The following MAP3K20 variants were observed in gnomAD, a reference collection of about 807,000 sequenced individuals.
The protein encoded by MAP3K20 is HCCS-4.
Under a neutral mutation model 85.7 loss-of-function variants are expected in MAP3K20, and 40 were observed. The observed-to-expected ratio is 0.47, with a 90% CI of 0.36 to 0.61. The LOEUF (loss-of-function observed/expected upper bound fraction) is 0.61. MAP3K20 is among the 20% of genes least tolerant of loss of function. The pLI is 0.00. For synonymous variants in MAP3K20, 325 were observed against 327.7 expected, an observed-to-expected ratio of 0.99 and a Z score of 0.09; for missense variants, 817 against 961.7, an observed-to-expected ratio of 0.85 and a Z score of 1.99.
chr2:173,116,126 A>C (rs1325871312), intron 2 of MAP3K20, among the ~76,000 whole-genome samples: 2 of 152,096 alleles, frequency 1.3e-5, no homozygotes, highest in Non-Finnish European at 1.5e-5. Context: ...AGCTGGGATT[A>C]CAGGTGTGAG....
intron 2 of MAP3K20, among the ~76,000 whole-genome samples, chr2:173,098,892 C>T (rs1287394723): frequency 1.3e-5 from 2 of 152,168 alleles, no homozygotes; most frequent in African/African-American, 4.8e-5. Context: ...ATTCTTGGGC[C>T]TCACCCCACA....
At chr2:173,207,164 G>C (rs1405145137) in intron 9 of MAP3K20, among the ~76,000 whole-genome samples, 1 of 151,982 alleles carries the variant, frequency 6.6e-6, no homozygotes, top group Non-Finnish European at 1.5e-5. Flanking sequence ...GGTGGGTATT[G>C]GTTCAGGTCC....
At chr2:173,165,294 G>A (rs1268427010) in intron 2 of MAP3K20, among the ~76,000 whole-genome samples, 1 of 152,044 alleles carries the variant, frequency 6.6e-6, no homozygotes, top group South Asian at 2.1e-4. Flanking sequence ...GTGCGTGCCT[G>A]TAATTCCAGG....
intron 2 of MAP3K20, among the ~76,000 whole-genome samples, chr2:173,099,927 T>C (rs1430349986): frequency 6.6e-6 from 1 of 152,232 alleles, no homozygotes. Flanking sequence ...AGAAGAGTGC[T>C]TGACTCATAG....
At chr2:173,140,380 C>G (rs1197277919) in intron 2 of MAP3K20, among the ~76,000 whole-genome samples, 1 of 151,576 alleles carries the variant, frequency 6.6e-6, no homozygotes, top group Non-Finnish European at 1.5e-5. Context: ...TGGAGTTTCA[C>G]TCTTGTTGTC....
rs55830025 is a variant in MAP3K20 at position 173,266,698 on chromosome 2, A to C, written c.2351A>C (p.Lys784Thr). 2.2e-3 allele frequency: 3,534 copies of C among 1,594,060 alleles called. 87 individuals carry two copies. The African/African-American group carries it at 0.044, about 20-fold the overall frequency. The change falls in exon 20 of 20, where the codon AAA becomes ACA. Residue 784 changes from lysine to threonine, a missense_variant. Coordinates refer to ENST00000375213, the MANE Select transcript of MAP3K20 (RefSeq NM_016653.3). ...AAGCCCCACAGGCCATCTCCCGCCA[A>C]AACCAATAAAGAGAGAGCCAGAGGG... ...RKKPHRPSPAKTNKERARGDH... is the reference protein window; with the variant it reads ...RKKPHRPSPATTNKERARGDH...
At chr2:173,199,113 A>G (rs1281818262) in intron 8 of MAP3K20, among the ~76,000 whole-genome samples, 1 of 152,236 alleles carries the variant, frequency 6.6e-6, no homozygotes, top group Non-Finnish European at 1.5e-5. Context: ...AGGTGAATAT[A>G]TAAAAATATT....
intron 2 of MAP3K20, among the ~76,000 whole-genome samples, chr2:173,149,506 A>ATT (rs11393723): frequency 0.036 from 5,255 of 145,794 alleles, 120 homozygotes; most frequent in Admixed American, 0.057. Context: ...AAAAAAGTTT[A>ATT]TTTTTTTTTA....
At chr2:173,177,443 A>ATTTTTTTT (rs71403359) in intron 3 of MAP3K20, among the ~76,000 whole-genome samples, 3 of 126,602 alleles carry the variant, frequency 2.4e-5, no homozygotes, top group East Asian at 2.3e-4. Context: ...ATCACAATAG[A>ATTTTTTTT]TTTTTTTTTT....
chr2:173,255,409 C>T (rs961864696), intron 16 of MAP3K20, among the ~76,000 whole-genome samples: 1 of 152,214 alleles, frequency 6.6e-6, no homozygotes, highest in Non-Finnish European at 1.5e-5. Context: ...ATGTCAACCA[C>T]GTATTGGTCA....
intron 11 of MAP3K20, chr2:173,221,691 T>C: frequency 7.6e-7 from 1 of 1,321,142 alleles, no homozygotes; most frequent in Non-Finnish European, 9.7e-7. Context: ...ATTCTACTTT[T>C]ATTTTTGCTT....
chr2:173,239,936 T>A (rs1684742729), intron 16 of MAP3K20, among the ~76,000 whole-genome samples: 1 of 152,238 alleles, frequency 6.6e-6, no homozygotes, highest in Non-Finnish European at 1.5e-5. Context: ...GAGCAACACT[T>A]CTTCAATAAG....
At chr2:173,194,307 A>T (rs191199776) in intron 7 of MAP3K20, among the ~76,000 whole-genome samples, 3 of 152,158 alleles carry the variant, frequency 2.0e-5, no homozygotes, top group African/African-American at 7.2e-5. Flanking sequence ...AAAAACTGCA[A>T]TTACTTTTGC....
At chr2:173,221,154 T>A in intron 11 of MAP3K20, 1 of 1,510,798 alleles carries the variant, frequency 6.6e-7, no homozygotes. Context: ...TGATAGCTTC[T>A]CTTGCCTCTT....
At chr2:173,083,121 A>T (rs1559223380) in intron 1 of MAP3K20, among the ~76,000 whole-genome samples, 1 of 152,316 alleles carries the variant, frequency 6.6e-6, no homozygotes, top group East Asian at 1.9e-4. Flanking sequence ...TATGGTAAAG[A>T]TAGAGGAAGG....
chr2:173,084,941 G>C (rs1415991483), intron 1 of MAP3K20, among the ~76,000 whole-genome samples: 1 of 152,046 alleles, frequency 6.6e-6, no homozygotes, highest in Admixed American at 6.5e-5. Context: ...CTCTAGTAGG[G>C]GTCTTTACCC....
intron 1 of MAP3K20, among the ~76,000 whole-genome samples, chr2:173,087,371 G>T (rs1432505304): frequency 6.6e-6 from 1 of 152,158 alleles, no homozygotes; most frequent in Non-Finnish European, 1.5e-5. Flanking sequence ...GTGGAGATGT[G>T]AGAGGTCAGT....
intron 7 of MAP3K20, chr2:173,192,829 T>C (rs1294467277): frequency 6.6e-6 from 1 of 152,240 alleles, no homozygotes; most frequent in African/African-American, 2.4e-5. Flanking sequence ...AAATTTTTCT[T>C]AGCCTGCTTG....
chr2:173,075,772 C>T (rs1573990215), upstream of MAP3K20: 2 of 985,342 alleles, frequency 2.0e-6, no homozygotes, highest in East Asian at 1.1e-4. Flanking sequence ...CCCGCTCGCC[C>T]GCGCGTGTGA....
Sources: allele counts gnomAD v4.1 joint callset (sites outside exome capture counted in the v4.1 genomes callset), GRCh38; gene constraint gnomAD v4.1.1; transcripts MANE v1.5; gene names NCBI Gene and HGNC (gene_info 2026-07-23, HGNC 2026-07-21).